Variants in CLVS1 observed in about 807,000 individuals in gnomAD.
The protein encoded by CLVS1 is clavesin 1, also known as clavesin-1.
Under a neutral mutation model 33.1 loss-of-function variants are expected in CLVS1, and 10 were observed. That is an observed-to-expected ratio of 0.30 (90% confidence interval 0.19 to 0.51). The LOEUF is 0.51. Ranked by LOEUF, CLVS1 falls within the 20% of genes least tolerant of loss-of-function variation. CLVS1 has a pLI of 0.97. For synonymous variants in CLVS1, 163 were observed against 166.1 expected, an observed-to-expected ratio of 0.98 and a Z score of 0.14; for missense variants, 343 against 433.4, an observed-to-expected ratio of 0.79 and a Z score of 1.85.
intron 2 of CLVS1, among the ~76,000 whole-genome samples, chr8:61,172,525 A>C (rs1215812696): frequency 6.6e-6 from 1 of 152,220 alleles, no homozygotes; most frequent in Non-Finnish European, 1.5e-5. Flanking sequence ...ATAATAAATA[A>C]CATGAACAAT....
intron 2 of CLVS1, among the ~76,000 whole-genome samples, chr8:61,177,387 A>C (rs1263770510): frequency 6.6e-6 from 1 of 152,144 alleles, no homozygotes; most frequent in Non-Finnish European, 1.5e-5. Flanking sequence ...GGACCAGCAT[A>C]ATTAGTCTTT....
intron 2 of CLVS1, among the ~76,000 whole-genome samples, chr8:61,340,090 GA>G (rs1188539581): frequency 6.6e-6 from 1 of 151,434 alleles, no homozygotes; most frequent in Non-Finnish European, 1.5e-5. Flanking sequence ...AGGAAAGAAA[GA>G]AAAAGAAAGA....
chr8:61,469,014 G>A (rs1376508741), intron 5 of CLVS1, among the ~76,000 whole-genome samples: 2 of 152,192 alleles, frequency 1.3e-5, no homozygotes, highest in Non-Finnish European at 2.9e-5. Flanking sequence ...AGGAAAAGCA[G>A]AGGTGGAGTG....
intron 2 of CLVS1, among the ~76,000 whole-genome samples, chr8:61,251,687 T>C (rs570033814): frequency 1.2e-4 from 19 of 152,180 alleles, no homozygotes; most frequent in Non-Finnish European, 2.6e-4. Context: ...CTATGTTTTC[T>C]AGTTTATTTG....
At chr8:61,418,089 C>A (rs747748783) in intron 3 of CLVS1, among the ~76,000 whole-genome samples, 1 of 152,246 alleles carries the variant, frequency 6.6e-6, no homozygotes, top group African/African-American at 2.4e-5. Flanking sequence ...CCCGGCTCTG[C>A]CTGCTACTGC....
At chr8:61,241,355 C>T (rs1808694308) in intron 2 of CLVS1, among the ~76,000 whole-genome samples, 1 of 151,856 alleles carries the variant, frequency 6.6e-6, no homozygotes, top group South Asian at 2.1e-4. Context: ...AATTTTCAAC[C>T]ATCCTTGCAT....
intron 3 of CLVS1, among the ~76,000 whole-genome samples, chr8:61,433,264 T>C (rs759172286): frequency 2.6e-5 from 4 of 152,234 alleles, no homozygotes; most frequent in Non-Finnish European, 4.4e-5. Flanking sequence ...AGTGGTTGCA[T>C]TCTTGTAAGG....
intron 5 of CLVS1, among the ~76,000 whole-genome samples, chr8:61,491,326 A>C (rs1804080370): frequency 6.6e-6 from 1 of 152,186 alleles, no homozygotes. Context: ...TCATACTGGC[A>C]CAGCAAGTTA....
chr8:61,121,449 TTGTG>T (rs1026056962), intron 1 of CLVS1, among the ~76,000 whole-genome samples: 1 of 151,924 alleles, frequency 6.6e-6, no homozygotes, highest in Non-Finnish European at 1.5e-5. Context: ...GTGTGTGTGT[TTGTG>T]TGTGTGTGTA....
chr8:61,051,389 G>A, the CLVS1 span, among the ~76,000 whole-genome samples: 3 of 152,246 alleles, frequency 2.0e-5, no homozygotes, highest in Non-Finnish European at 4.4e-5. Context: ...TGCTTCGGGT[G>A]TAGGGGAGTT....
rs183706302 is a variant in CLVS1 at position 61,082,957 on chromosome 8, T to A, written c.-243+25727T>A. 1.7e-3 allele frequency among the ~76,000 whole-genome samples: 248 copies of A among 150,274 alleles called. 1 individual carries two copies. Among genetic ancestry groups the A allele is most frequent in the Non-Finnish European group, 2.1e-3 (143 of 67,768 alleles). ...GAGGGTGAGATGAGATGCTTGAGCC[T>A]CTGGGCGACAGAGAAAGACCCTGTC... On this transcript the variant is annotated intron_variant, in intron 1 of 2. Coordinates refer to the CLVS1 transcript ENST00000522621.
At chr8:61,280,542 T>C (rs996013675) in intron 2 of CLVS1, among the ~76,000 whole-genome samples, 1 of 152,260 alleles carries the variant, frequency 6.6e-6, no homozygotes, top group Non-Finnish European at 1.5e-5. Context: ...ACTTAAACTC[T>C]TTATGAATTT....
chr8:61,330,130 G>A (rs539595636), intron 2 of CLVS1, among the ~76,000 whole-genome samples: 7 of 152,008 alleles, frequency 4.6e-5, no homozygotes, highest in South Asian at 2.1e-4. Flanking sequence ...TCCCCTTCCC[G>A]GTCCCTTCTT....
At chr8:61,249,922 C>T (rs924722240) in intron 2 of CLVS1, among the ~76,000 whole-genome samples, 3 of 152,072 alleles carry the variant, frequency 2.0e-5, no homozygotes, top group Admixed American at 1.3e-4. Context: ...TAGTTTAATT[C>T]GATCCCATTT....
chr8:61,383,481 T>C (rs1441266721), intron 3 of CLVS1, among the ~76,000 whole-genome samples: 6 of 152,240 alleles, frequency 3.9e-5, no homozygotes, highest in Admixed American at 1.3e-4. Flanking sequence ...CAAGAAGTTT[T>C]TTAATTCATG....
chr8:61,332,752 C>T (rs1811646343), intron 2 of CLVS1, among the ~76,000 whole-genome samples: 1 of 152,116 alleles, frequency 6.6e-6, no homozygotes, highest in Non-Finnish European at 1.5e-5. Flanking sequence ...GCGCTTCTGC[C>T]TCAGCCTCCC....
chr8:61,352,474 C>A (rs937428588), intron 2 of CLVS1, among the ~76,000 whole-genome samples: 3 of 151,870 alleles, frequency 2.0e-5, no homozygotes, highest in Non-Finnish European at 2.9e-5. Context: ...GTCTAAGAGA[C>A]AGAGATTAGC....
intron 2 of CLVS1, among the ~76,000 whole-genome samples, chr8:61,256,944 G>A (rs779574283): frequency 6.6e-6 from 1 of 152,180 alleles, no homozygotes; most frequent in Non-Finnish European, 1.5e-5. Flanking sequence ...CTTACTGGAG[G>A]TATAAGTTTA....
the CLVS1 span, among the ~76,000 whole-genome samples, chr8:61,023,624 C>G: frequency 6.6e-6 from 1 of 152,344 alleles, no homozygotes; most frequent in African/African-American, 2.4e-5. Context: ...GAATCAGGAT[C>G]CTCGCCTGCG....
Sources: gnomAD v4.1 joint callset for allele counts (sites outside exome capture counted in the v4.1 genomes callset) on GRCh38, gnomAD v4.1.1 for gene constraint, MANE v1.5 for transcripts, NCBI Gene and HGNC (gene_info 2026-07-23, HGNC 2026-07-21) for gene names.